Variants in SPG11 observed in about 807,000 individuals in gnomAD.
SPG11 encodes the protein spatacsin.
In SPG11, 222 loss-of-function variants were observed where a neutral mutation model predicts 274.0. That is an observed-to-expected ratio of 0.81 (90% CI 0.73 to 0.91). SPG11 has a LOEUF of 0.91. SPG11 is among the 40% of genes least tolerant of loss of function. The pLI, the probability that SPG11 is intolerant of heterozygous loss-of-function variation, is 0.00. For synonymous variants in SPG11, 1,144 were observed against 1,039.7 expected (o/e 1.10, Z -1.93); for missense variants, 3,114 against 2,872.7 (o/e 1.08, Z -1.92).
chr15:44,580,279 A>G (rs2082633197), intron 30 of SPG11, among the ~76,000 whole-genome samples: 1 of 152,218 alleles, frequency 6.6e-6, no homozygotes, highest in Non-Finnish European at 1.5e-5. Context: ...ATCATGTAGT[A>G]TAGGTGTGTA....
chr15:44,585,269 T>G (rs2082732247), intron 29 of SPG11, among the ~76,000 whole-genome samples: 1 of 152,000 alleles, frequency 6.6e-6, no homozygotes, highest in African/African-American at 2.4e-5. Flanking sequence ...ATGCTGATTT[T>G]AAAAGCTAAG....
chr15:44,608,582 T>G lies in SPG11; in HGVS notation c.3315A>C (p.Glu1105Asp), dbSNP rs1465708136. 1 of 1,613,914 alleles carries G rather than the reference T, an allele frequency of 6.2e-7. No individual in the cohort carries two copies. Among genetic ancestry groups the G allele is most frequent in the African/African-American group, 1.3e-5 (1 of 74,900 alleles). The part of the protein sequence containing the change: ...VSQVVQNEEN[E>D]NCLKKVDPQL... ...GGGGATCCACTTTCTTCAAACAGTT[T>G]TCATTTTCTTCATTCTGAACAACCT... Residue 1105 changes from glutamate (E) to aspartate (D), a missense_variant, in exon 19 of 40, where the codon GAA becomes GAC. Glu to Asp is a conservative substitution (Grantham distance 45, BLOSUM62 2). Transcript: ENST00000261866.
At chr15:44,567,991 A>T (rs928510788) in intron 35 of SPG11, among the ~76,000 whole-genome samples, 2 of 152,250 alleles carry the variant, frequency 1.3e-5, no homozygotes, top group Non-Finnish European at 1.5e-5. Flanking sequence ...TAGCCATTAA[A>T]ACTTATGTAG....
At position 44,604,931 on chromosome 15, in the gene SPG11, C is replaced by CAAAAAAA. The variant is rs908048525; in HGVS notation, c.3520+1087_3520+1093dup. ...CCTGGGCGGAACAAGACTCCATCTCCAAAAAAAAAAAAAAAAAAAAAAAAA... is the reference window on the plus strand; with the variant it reads ...CCTGGGCGGAACAAGACTCCATCTCCAAAAAAAAAAAAAAAAAAAAAAAAAAAAAAAA... On this transcript the variant is annotated intron_variant, in intron 20 of 39. Transcript: ENST00000261866. 5.3e-4 allele frequency among the ~76,000 whole-genome samples: 12 copies of CAAAAAAA among 22,494 alleles called. 1 individual carries two copies. Among genetic ancestry groups the CAAAAAAA allele is most frequent in the African/African-American group, 2.3e-3 (12 of 5,130 alleles). The allele number at this position is 22,494 out of a possible 152,430, so 14.8% of individuals were successfully genotyped here.
intron 21 of SPG11, among the ~76,000 whole-genome samples, chr15:44,599,239 T>C (rs544631273): frequency 1.7e-4 from 26 of 152,276 alleles, no homozygotes; most frequent in African/African-American, 6.3e-4. Flanking sequence ...AAAAAACTCA[T>C]ATAGGCCTTT....
At chr15:44,564,444 G>A (rs893729116) in intron 39 of SPG11, 103 bp downstream of exon 39, 2 of 1,128,016 alleles carry the variant, frequency 1.8e-6, no homozygotes, top group African/African-American at 1.5e-5. Context: ...TTTAAGTAGA[G>A]GTAATCTAAA....
In SPG11 at chr15:44,662,706, T is replaced by C. The variant is rs72717959; in HGVS notation, c.257+685A>G. ...GCCCACTCAAAACACTAAGAGGGCGTTCCCAAACTTTATGATGTAAACTCT... is the reference window on the plus strand; with the variant it reads ...GCCCACTCAAAACACTAAGAGGGCGCTCCCAAACTTTATGATGTAAACTCT... On this transcript the variant is annotated intron_variant, in intron 1 of 39. Coordinates refer to ENST00000261866, the MANE Select transcript of SPG11 (RefSeq NM_025137.4). Among the ~76,000 whole-genome samples, 103 of 150,188 alleles carry C rather than the reference T, an allele frequency of 6.9e-4. 1 individual carries two copies. The highest frequency in any genetic ancestry group is 3.5e-3 in the Middle Eastern group (1 of 282).
In SPG11 at chr15:44,615,289, G is replaced by A. The variant is rs143069428; in HGVS notation, c.3038+74C>T. ...GTGAATGCTTACTATTTTCCTAAAA[G>A]TCACATTCAGGAGTCATATGCAAAG... is the stretch of plus-strand genomic sequence containing the variant. On this transcript the variant is annotated intron_variant, in intron 16 of 39. Coordinates refer to ENST00000261866, the MANE Select transcript of SPG11 (RefSeq NM_025137.4). 1.0e-3 allele frequency: 1,428 copies of A among 1,411,442 alleles called. 11 individuals are homozygous for A. The African/African-American group carries it at 0.013, about 13-fold the overall frequency. 87.4% of individuals were successfully genotyped at this position (1,411,442 alleles called of 1,614,324 possible).
At chr15:44,604,933 A>AT (rs1178206307) in intron 20 of SPG11, among the ~76,000 whole-genome samples, 4 of 135,094 alleles carry the variant, frequency 3.0e-5, no homozygotes, top group Non-Finnish European at 4.8e-5. Flanking sequence ...TCCATCTCCA[A>AT]AAAAAAAAAA....
At chr15:44,658,460 G>A (rs1566832824) in intron 3 of SPG11, among the ~76,000 whole-genome samples, 3 of 150,246 alleles carry the variant, frequency 2.0e-5, no homozygotes, top group African/African-American at 7.4e-5. Flanking sequence ...CACAACATAA[G>A]CTTTTTTTTT....
intron 23 of SPG11, among the ~76,000 whole-genome samples, chr15:44,597,988 A>G (rs1330537985): frequency 6.6e-6 from 1 of 152,246 alleles, no homozygotes; most frequent in Admixed American, 6.5e-5. Context: ...GACTTCTCTG[A>G]CTAGCAGGGC....
At position 44,600,615 on chromosome 15, in the gene SPG11, G is replaced by A; in HGVS notation, c.3538C>T (p.Pro1180Ser). 6.2e-7 allele frequency: 1 copy of A among 1,613,950 alleles called. No homozygotes were observed. The highest frequency in any genetic ancestry group is 8.5e-7 in the Non-Finnish European group (1 of 1,179,950). Residue 1180 changes from proline to serine, a missense_variant, in exon 21 of 40, where the codon CCA (proline) becomes TCA (serine). By Grantham distance (74) the Pro-to-Ser change is moderately conservative. Transcript: ENST00000261866. ...LAIGDAWSHL[P>S]HFSSPDLVNK... ...ACCAGGTCAGGGCTAGAGAAATGTG[G>A]GAGATGACTCCATGCATCTAGGGGG...
rs754787719 is a variant in SPG11 at position 44,572,699 on chromosome 15, A to G, written c.6327T>C (p.His2109=). The G allele has an allele frequency of 3.7e-6, 6 of 1,614,116 alleles. No homozygotes were observed. The highest frequency in any genetic ancestry group is 1.7e-5 in the Admixed American group (1 of 60,006). The change falls in exon 33 of 40, where the codon CAT becomes CAC. Residue 2109 remains histidine, a synonymous_variant. Coordinates refer to ENST00000261866, the MANE Select transcript of SPG11 (RefSeq NM_025137.4). ...ATAACTTACTGCAAGACAGTTCCCCATGGGGAACGGAGGAAATCTTATCCA... is the reference window on the plus strand; with the variant it reads ...ATAACTTACTGCAAGACAGTTCCCCGTGGGGAACGGAGGAAATCTTATCCA... The part of the protein sequence containing the change: ...KLLDKISSVP[H]GELSCTTELL...
intron 10 of SPG11, 98 bp from the exon 11 acceptor site, chr15:44,626,605 A>G: frequency 7.9e-7 from 1 of 1,260,022 alleles, no homozygotes; most frequent in South Asian, 1.3e-5. Flanking sequence ...CTAACAAAGG[A>G]ACTTTTATTT....
intron 6 of SPG11, among the ~76,000 whole-genome samples, chr15:44,649,296 TCAAG>T (rs2084694796): frequency 6.6e-6 from 1 of 152,124 alleles, no homozygotes; most frequent in African/African-American, 2.4e-5. Context: ...ACTCCTGGGC[TCAAG>T]CAATCCTCCC....
In SPG11 at chr15:44,565,312, C is replaced by T. The variant is rs532294759; in HGVS notation, c.6999+542G>A. ...TCCCCAACCTTTTTGGCATCAGTGA[C>T]AGGTTCCCTGGAGGACAATTTTTCC... is the stretch of plus-strand genomic sequence containing the variant. On this transcript the variant is annotated intron_variant, in intron 38 of 39. Transcript: ENST00000261866. 2.0e-5 allele frequency among the ~76,000 whole-genome samples: 3 copies of T among 152,324 alleles called. No individual in the cohort carries two copies. In the East Asian group the frequency reaches 5.8e-4, roughly 29 times the overall value.
intron 19 of SPG11, among the ~76,000 whole-genome samples, chr15:44,607,632 A>C (rs2083355977): frequency 6.6e-6 from 1 of 152,198 alleles, no homozygotes; most frequent in Non-Finnish European, 1.5e-5. Flanking sequence ...GTATTCAGGG[A>C]AAAAAGGAAA....
chr15:44,658,041 T>C (rs1165457178), intron 3 of SPG11, among the ~76,000 whole-genome samples: 2 of 152,040 alleles, frequency 1.3e-5, no homozygotes, highest in African/African-American at 4.8e-5. Context: ...AGAAAAAAAA[T>C]CTAATTACAC....
chr15:44,633,359 AAAAGAAAG>A, intron 8 of SPG11, 138 bp downstream of exon 8: 1 of 356,586 alleles, frequency 2.8e-6, no homozygotes, highest in African/African-American at 2.3e-5. Flanking sequence ...AAAAAAAAAA[AAAAGAAAG>A]TTTCCAAAAA....
Sources: allele counts gnomAD v4.1 joint callset (sites outside exome capture counted in the v4.1 genomes callset), GRCh38; gene constraint gnomAD v4.1.1; transcripts MANE v1.5; gene names NCBI Gene and HGNC (gene_info 2026-07-23, HGNC 2026-07-21).